The following MEGF9 variants were observed in gnomAD, a reference collection of about 807,000 sequenced individuals.
The protein encoded by MEGF9 is multiple epidermal growth factor-like domains protein 9.
Under a neutral mutation model 46.8 loss-of-function variants are expected in MEGF9, and 6 were observed. That is an observed-to-expected ratio of 0.13 (90% CI 0.07 to 0.25). The LOEUF is 0.25. Ranked by LOEUF, MEGF9 falls within the 10% of genes least tolerant of loss-of-function variation. The pLI, the probability that MEGF9 is intolerant of heterozygous loss-of-function variation, is 1.00. For synonymous variants in MEGF9, 302 were observed against 330.7 expected, an observed-to-expected ratio of 0.91 and a Z score of 0.94; for missense variants, 683 against 792.4, an observed-to-expected ratio of 0.86 and a Z score of 1.66.
chr9:120,658,410 G>T (rs2043687153), intron 2 of MEGF9, among the ~76,000 whole-genome samples: 1 of 152,168 alleles, frequency 6.6e-6, no homozygotes, highest in Admixed American at 6.5e-5. Flanking sequence ...GGAGCTAAAA[G>T]TTCTTAAAAC....
chr9:120,710,951 C>T (rs1293059898), intron 1 of MEGF9, among the ~76,000 whole-genome samples: 2 of 152,180 alleles, frequency 1.3e-5, no homozygotes, highest in African/African-American at 4.8e-5. Context: ...ATTTAAAACA[C>T]AGGAAAGTTA....
chr9:120,710,834 A>G (rs1290726567), intron 1 of MEGF9, among the ~76,000 whole-genome samples: 2 of 152,216 alleles, frequency 1.3e-5, no homozygotes, highest in East Asian at 3.8e-4. Context: ...AGTAGACTGG[A>G]GCCCATGCTC....
chr9:120,613,314 G>C (rs1413206049), intron 3 of MEGF9, among the ~76,000 whole-genome samples: 1 of 152,036 alleles, frequency 6.6e-6, no homozygotes, highest in Non-Finnish European at 1.5e-5. Context: ...TGGATTGCGA[G>C]GGTATAGGGG....
At chr9:120,701,444 G>A (rs2043904683) in intron 1 of MEGF9, among the ~76,000 whole-genome samples, 1 of 152,048 alleles carries the variant, frequency 6.6e-6, no homozygotes, top group Non-Finnish European at 1.5e-5. Flanking sequence ...CTATGACTAG[G>A]CAGAATGTAT....
intron 1 of MEGF9, among the ~76,000 whole-genome samples, chr9:120,664,086 G>C (rs116306378): frequency 0.015 from 2,280 of 152,146 alleles, 58 homozygotes; most frequent in African/African-American, 0.052. Flanking sequence ...TTGTTTACAA[G>C]TCCCATAAGT....
At chr9:120,627,669 G>C (rs1455411455) in intron 2 of MEGF9, among the ~76,000 whole-genome samples, 1 of 152,158 alleles carries the variant, frequency 6.6e-6, no homozygotes. Context: ...CGTCATGTTG[G>C]CCAGGCTGGT....
chr9:120,634,081 C>G (rs2043561857), intron 2 of MEGF9, among the ~76,000 whole-genome samples: 1 of 152,184 alleles, frequency 6.6e-6, no homozygotes, highest in Admixed American at 6.5e-5. Flanking sequence ...ATTAAATGTT[C>G]TGTCAACGTC....
chr9:120,612,997 C>T (rs1020650223), intron 3 of MEGF9, among the ~76,000 whole-genome samples: 8 of 150,598 alleles, frequency 5.3e-5, no homozygotes, highest in African/African-American at 1.7e-4. Context: ...CCATTACACC[C>T]GGCTAATTTT....
intron 1 of MEGF9, among the ~76,000 whole-genome samples, chr9:120,666,800 C>T (rs1867254): frequency 0.69 from 104,339 of 152,008 alleles, 36,013 homozygotes; most frequent in South Asian, 0.75. Context: ...CATAATGGAA[C>T]ACCATTCATC....
At chr9:120,677,587 T>C (rs1288407353) in intron 1 of MEGF9, among the ~76,000 whole-genome samples, 1 of 152,232 alleles carries the variant, frequency 6.6e-6, no homozygotes, top group Non-Finnish European at 1.5e-5. Flanking sequence ...CTTAACATAC[T>C]GTTCAAAGCC....
intron 1 of MEGF9, among the ~76,000 whole-genome samples, chr9:120,700,200 TACTCAATA>T (rs2043897806): frequency 6.6e-6 from 1 of 152,238 alleles, no homozygotes; most frequent in Admixed American, 6.5e-5. Flanking sequence ...TCAAAAAATA[TACTCAATA>T]ACTCAAAAAG....
intron 2 of MEGF9, among the ~76,000 whole-genome samples, chr9:120,640,675 T>C (rs966941735): frequency 3.9e-5 from 6 of 152,196 alleles, no homozygotes; most frequent in Non-Finnish European, 7.3e-5. Context: ...TTTAATATTT[T>C]CCATGTACTT....
At chr9:120,681,773 C>T (rs1400578317) in intron 1 of MEGF9, among the ~76,000 whole-genome samples, 3 of 152,094 alleles carry the variant, frequency 2.0e-5, no homozygotes, top group Admixed American at 1.3e-4. Context: ...AGCATTATCA[C>T]AATATCCCAA....
At chr9:120,657,937 A>G (rs1331360994) in intron 2 of MEGF9, among the ~76,000 whole-genome samples, 1 of 152,098 alleles carries the variant, frequency 6.6e-6, no homozygotes, top group African/African-American at 2.4e-5. Flanking sequence ...CATCAGAAGC[A>G]TTGATTATTG....
At chr9:120,690,854 T>C (rs2043845047) in intron 1 of MEGF9, among the ~76,000 whole-genome samples, 1 of 151,900 alleles carries the variant, frequency 6.6e-6, no homozygotes, top group African/African-American at 2.4e-5. Flanking sequence ...AAAGAAGAAA[T>C]TAGGTAATCA....
At chr9:120,711,854 C>T (rs938527095) in intron 1 of MEGF9, among the ~76,000 whole-genome samples, 2 of 143,694 alleles carry the variant, frequency 1.4e-5, no homozygotes, top group African/African-American at 5.1e-5. Flanking sequence ...TACACACACA[C>T]ACACACACAC....
intron 2 of MEGF9, among the ~76,000 whole-genome samples, chr9:120,643,955 T>A (rs148364239): frequency 4.5e-4 from 69 of 152,292 alleles, no homozygotes; most frequent in African/African-American, 1.4e-3. Flanking sequence ...GCTCAAGCGA[T>A]CCTCCTGCCT....
chr9:120,689,021 A>T (rs2043836469), intron 1 of MEGF9, among the ~76,000 whole-genome samples: 1 of 152,256 alleles, frequency 6.6e-6, no homozygotes, highest in Admixed American at 6.5e-5. Flanking sequence ...TGCTGGAGAT[A>T]CAACAATGAG....
At chr9:120,634,478 A>T (rs2043565350) in intron 2 of MEGF9, among the ~76,000 whole-genome samples, 1 of 14,074 alleles carries the variant, frequency 7.1e-5, no homozygotes, top group Non-Finnish European at 1.8e-4. Context: ...TTTTTTTGAG[A>T]CGGAGTCTCG....
Sources: gnomAD v4.1 joint callset for allele counts (sites outside exome capture counted in the v4.1 genomes callset) on GRCh38, gnomAD v4.1.1 for gene constraint, MANE v1.5 for transcripts, NCBI Gene and HGNC (gene_info 2026-07-23, HGNC 2026-07-21) for gene names.